ATF1: variants seen among roughly 807,000 people sequenced by gnomAD.
ATF1 encodes activating transcription factor 1, also known as cyclic AMP-dependent transcription factor ATF-1.
A neutral mutation model predicts 34.7 loss-of-function variants in ATF1; 16 were observed. The ratio of observed to expected loss-of-function variants is 0.46; its 90% confidence interval spans 0.31 to 0.70. The LOEUF (loss-of-function observed/expected upper bound fraction) is 0.70. Ranked by LOEUF, ATF1 falls within the 30% of genes least tolerant of loss-of-function variation. ATF1 has a pLI of 0.05. For synonymous variants in ATF1, 105 were observed against 113.1 expected, an observed-to-expected ratio of 0.93 and a Z score of 0.46; for missense variants, 255 against 321.6, an observed-to-expected ratio of 0.79 and a Z score of 1.58.
At chr12:50,782,356 C>T (rs549397692) in intron 2 of ATF1, among the ~76,000 whole-genome samples, 13 of 150,846 alleles carry the variant, frequency 8.6e-5, no homozygotes, top group Admixed American at 2.6e-4. Flanking sequence ...TCCAGGTTCA[C>T]GCCATTCTCC....
At chr12:50,814,579 C>A in intron 6 of ATF1, 140 bp downstream of exon 6, 1 of 962,356 alleles carries the variant, frequency 1.0e-6, no homozygotes, top group Non-Finnish European at 1.5e-6. Context: ...AAATGAATGA[C>A]GGTGGTCCCA....
chr12:50,790,490 GCT>G (rs1300300793), intron 2 of ATF1, among the ~76,000 whole-genome samples: 1 of 152,050 alleles, frequency 6.6e-6, no homozygotes, highest in Non-Finnish European at 1.5e-5. Context: ...CCTGCACCCA[GCT>G]CTTTGTTTAT....
chr12:50,819,264 C>A (rs1018716887), intron 6 of ATF1, among the ~76,000 whole-genome samples: 2 of 152,146 alleles, frequency 1.3e-5, no homozygotes, highest in African/African-American at 4.8e-5. Context: ...CTCAGATGGG[C>A]TGAGTGAAGG....
At chr12:50,809,616 T>G (rs747008754) in intron 4 of ATF1, 27 bp downstream of exon 4, 5 of 1,584,518 alleles carry the variant, frequency 3.2e-6, no homozygotes, top group Non-Finnish European at 4.3e-6. Flanking sequence ...GTTTCCACAT[T>G]ATAAACACAC....
intron 2 of ATF1, among the ~76,000 whole-genome samples, chr12:50,786,534 C>G (rs1337468405): frequency 6.6e-6 from 1 of 152,040 alleles, no homozygotes; most frequent in Non-Finnish European, 1.5e-5. Context: ...CAAGGGAGAC[C>G]AGAGAATGCC....
chr12:50,766,472 G>T (rs1439199074), intron 1 of ATF1, among the ~76,000 whole-genome samples: 1 of 152,006 alleles, frequency 6.6e-6, no homozygotes, highest in Admixed American at 6.6e-5. Flanking sequence ...GAACAGGATC[G>T]TGGGACATGG....
chr12:50,776,333 T>A (rs7297504), intron 1 of ATF1, among the ~76,000 whole-genome samples: 47,502 of 134,878 alleles, frequency 0.35, 10,844 homozygotes, highest in Non-Finnish European at 0.4. Flanking sequence ...AAAAAAAAAA[T>A]TTTTTTTTAA....
chr12:50,780,358 T>C (rs1941029574), intron 2 of ATF1, 120 bp downstream of exon 2: 1 of 939,342 alleles, frequency 1.1e-6, no homozygotes. Flanking sequence ...GGGTTTTTTT[T>C]TTCGAGGCAG....
At chr12:50,803,904 T>C (rs2139681330) in intron 3 of ATF1, among the ~76,000 whole-genome samples, 1 of 152,332 alleles carries the variant, frequency 6.6e-6, no homozygotes, top group South Asian at 2.1e-4. Flanking sequence ...GACAAATTTA[T>C]AGAAACAAAG....
chr12:50,813,353 C>G (rs900028293), intron 4 of ATF1, among the ~76,000 whole-genome samples: 2 of 151,982 alleles, frequency 1.3e-5, no homozygotes, highest in Admixed American at 6.6e-5. Flanking sequence ...GCTAAGAAAC[C>G]ATATAAAGAT....
intron 3 of ATF1, among the ~76,000 whole-genome samples, chr12:50,800,778 C>T (rs1479238203): frequency 6.6e-6 from 1 of 152,166 alleles, no homozygotes; most frequent in Non-Finnish European, 1.5e-5. Context: ...GTCCCTGGTG[C>T]CAAAAGGGTT....
At chr12:50,792,440 G>A (rs1434599147) in intron 2 of ATF1, among the ~76,000 whole-genome samples, 3 of 152,110 alleles carry the variant, frequency 2.0e-5, no homozygotes, top group Admixed American at 6.6e-5. Context: ...ACAATTATAC[G>A]TCTTCCTGGA....
rs1941930118 is a variant in ATF1, at chr12:50,820,538, T to C, written c.*759T>C. 1 of 180,756 alleles carries C rather than the reference T, an allele frequency of 5.5e-6. No homozygotes were observed. Among genetic ancestry groups the C allele is most frequent in the East Asian group, 9.1e-5 (1 of 10,990 alleles). 11.2% of individuals were successfully genotyped at this position (180,756 alleles called of 1,614,324 possible). On this transcript the variant is annotated 3_prime_UTR_variant, in exon 7 of 7. Transcript: ENST00000262053. ...TCTACAAATACATAATAAATTGTTT[T>C]TTTGAGTCTATATTCTGTATGCAGT... is the stretch of plus-strand genomic sequence containing the variant.
intron 3 of ATF1, among the ~76,000 whole-genome samples, chr12:50,806,804 A>G (rs569281438): frequency 6.6e-6 from 1 of 152,300 alleles, no homozygotes; most frequent in East Asian, 1.9e-4. Context: ...AGATTCAACA[A>G]ACCTCTCCAG....
chr12:50,781,269 T>A (rs1941054704), intron 2 of ATF1, among the ~76,000 whole-genome samples: 1 of 152,144 alleles, frequency 6.6e-6, no homozygotes, highest in Non-Finnish European at 1.5e-5. Context: ...TAATACTATG[T>A]AAATGCTATG....
At chr12:50,781,778 G>T (rs1941067799) in intron 2 of ATF1, among the ~76,000 whole-genome samples, 1 of 152,042 alleles carries the variant, frequency 6.6e-6, no homozygotes, top group South Asian at 2.1e-4. Flanking sequence ...AGCTGGGTGT[G>T]GTGGCACTAC....
intron 2 of ATF1, chr12:50,788,341 T>TG (rs1169411081): frequency 2.6e-6 from 1 of 381,892 alleles, no homozygotes. Flanking sequence ...TGCCATCACA[T>TG]CCGGCTAAAC....
intron 2 of ATF1, among the ~76,000 whole-genome samples, chr12:50,780,652 TAAAAAAA>T (rs112410474): frequency 1.4e-5 from 2 of 139,726 alleles, no homozygotes; most frequent in Admixed American, 1.4e-4. Flanking sequence ...GCATTAATGT[TAAAAAAA>T]AAAAAAAACA....
chr12:50,780,666 A>C (rs1203709944), intron 2 of ATF1, among the ~76,000 whole-genome samples: 6 of 151,422 alleles, frequency 4.0e-5, no homozygotes, highest in Non-Finnish European at 7.4e-5. Flanking sequence ...AAAAAAAAAA[A>C]ACAAAACAAG....
Sources: allele counts gnomAD v4.1 joint callset (sites outside exome capture counted in the v4.1 genomes callset), GRCh38; gene constraint gnomAD v4.1.1; transcripts MANE v1.5; gene names NCBI Gene and HGNC (gene_info 2026-07-23, HGNC 2026-07-21).